Variants in TACR3 observed in about 807,000 individuals in gnomAD.
TACR3 encodes the protein tachykinin receptor 3, also known as neuromedin-K receptor.
TACR3 carries 34 observed loss-of-function variants against 35.0 expected under a neutral mutation model. That is an observed-to-expected ratio of 0.97 (90% CI 0.74 to 1.30). The LOEUF is 1.30. Ranked by LOEUF, TACR3 falls within the 50% of genes most tolerant of loss-of-function variation. The probability of loss-of-function intolerance (pLI) is 0.00; values close to 1 mark genes in which losing one functional copy is unlikely to be tolerated. For missense variants in TACR3, 558 were observed against 591.7 expected, an observed-to-expected ratio of 0.94 and a Z score of 0.59; for synonymous variants, 233 against 221.1, an observed-to-expected ratio of 1.05 and a Z score of -0.48.
chr4:103,594,879 G>A (rs1298703182), intron 3 of TACR3, among the ~76,000 whole-genome samples: 3 of 151,248 alleles, frequency 2.0e-5, no homozygotes, highest in South Asian at 4.2e-4. Context: ...AAGTGAAACA[G>A]CTGCTATAAT....
At chr4:103,648,568 C>A (rs1336195343) in intron 3 of TACR3, among the ~76,000 whole-genome samples, 1 of 152,066 alleles carries the variant, frequency 6.6e-6, no homozygotes, top group African/African-American at 2.4e-5. Context: ...GCTTATTTCA[C>A]TTAACATAAT....
At chr4:103,646,939 T>C (rs756010263) in intron 3 of TACR3, among the ~76,000 whole-genome samples, 4 of 151,854 alleles carry the variant, frequency 2.6e-5, no homozygotes, top group African/African-American at 4.8e-5. Context: ...ACTAAGAAAA[T>C]AAAATAGCAT....
chr4:103,616,934 C>A (rs1724672979), intron 3 of TACR3, among the ~76,000 whole-genome samples: 3 of 152,198 alleles, frequency 2.0e-5, no homozygotes, highest in South Asian at 4.1e-4. Context: ...GTAAACAGAG[C>A]AAGACCTTAT....
chr4:103,598,356 C>A (rs192976130), intron 3 of TACR3, among the ~76,000 whole-genome samples: 1 of 152,202 alleles, frequency 6.6e-6, no homozygotes, highest in East Asian at 1.9e-4. Flanking sequence ...GATATTAGCC[C>A]TTTGTCAGAT....
chr4:103,695,209 G>A (rs549390991), intron 1 of TACR3, among the ~76,000 whole-genome samples: 21 of 152,164 alleles, frequency 1.4e-4, no homozygotes, highest in South Asian at 6.2e-4. Context: ...TTTCTAGTAC[G>A]TTTGACTTTG....
At chr4:103,651,245 AC>A (rs1725613186) in intron 3 of TACR3, among the ~76,000 whole-genome samples, 3 of 150,790 alleles carry the variant, frequency 2.0e-5, no homozygotes. Flanking sequence ...AGAGTCAAAA[AC>A]CTTAGAAGTC....
At chr4:103,607,849 T>C (rs1724417621) in intron 3 of TACR3, among the ~76,000 whole-genome samples, 2 of 152,134 alleles carry the variant, frequency 1.3e-5, no homozygotes, top group African/African-American at 4.8e-5. Flanking sequence ...AGAAAACTGC[T>C]ATAACGTGGT....
At chr4:103,609,634 A>G (rs1724470026) in intron 3 of TACR3, among the ~76,000 whole-genome samples, 1 of 152,048 alleles carries the variant, frequency 6.6e-6, no homozygotes, top group South Asian at 2.1e-4. Context: ...TCTTTTAGCT[A>G]TTTTGAAGTG....
chr4:103,634,876 T>G (rs945443655), intron 3 of TACR3, among the ~76,000 whole-genome samples: 2 of 152,084 alleles, frequency 1.3e-5, no homozygotes, highest in African/African-American at 4.8e-5. Context: ...TCAACTTCCT[T>G]ATTTGCTTAT....
At chr4:103,646,716 C>A (rs1255073887) in intron 3 of TACR3, among the ~76,000 whole-genome samples, 2 of 151,758 alleles carry the variant, frequency 1.3e-5, no homozygotes, top group Non-Finnish European at 2.9e-5. Context: ...TTCTTCCAAC[C>A]TGAGATGGAA....
intron 1 of TACR3, among the ~76,000 whole-genome samples, chr4:103,697,196 G>C (rs1401106913): frequency 1.3e-5 from 2 of 152,160 alleles, no homozygotes; most frequent in African/African-American, 2.4e-5. Context: ...TAACCAATCA[G>C]TGACAGATTT....
chr4:103,656,439 C>A, intron 2 of TACR3, 95 bp from the exon 3 acceptor site: 1 of 1,193,282 alleles, frequency 8.4e-7, no homozygotes, highest in Non-Finnish European at 1.2e-6. Context: ...TTAAAACTAC[C>A]AAGAGTTATT....
chr4:103,691,302 G>C (rs1722397566), intron 1 of TACR3, among the ~76,000 whole-genome samples: 1 of 152,114 alleles, frequency 6.6e-6, no homozygotes, highest in African/African-American at 2.4e-5. Flanking sequence ...GATTAACTTG[G>C]GTAATCTCAG....
chr4:103,621,652 A>ATAGAT (rs1400211754), intron 3 of TACR3, among the ~76,000 whole-genome samples: 5 of 151,776 alleles, frequency 3.3e-5, no homozygotes, highest in African/African-American at 1.2e-4. Flanking sequence ...GGGAAAAGTT[A>ATAGAT]TAGATTATTT....
chr4:103,718,373 C>T (rs1723136812), intron 1 of TACR3, among the ~76,000 whole-genome samples: 1 of 152,166 alleles, frequency 6.6e-6, no homozygotes, highest in South Asian at 2.1e-4. Flanking sequence ...TAGGGATTCA[C>T]CATTGTATTT....
At chr4:103,693,720 T>G (rs1722453499) in intron 1 of TACR3, among the ~76,000 whole-genome samples, 2 of 152,138 alleles carry the variant, frequency 1.3e-5, no homozygotes. Context: ...CATCTAATTA[T>G]GCTTAATATA....
rs188471404 is a variant in TACR3 at position 103,710,141 on chromosome 4, T to C, written c.548+8987A>G. Among the ~76,000 whole-genome samples, 161 of 152,250 alleles carry C rather than the reference T, an allele frequency of 1.1e-3. 1 individual carries two copies. The highest frequency in any genetic ancestry group is 2.9e-3 in the Admixed American group (45 of 15,296). On this transcript the variant is annotated intron_variant, in intron 1 of 4. Coordinates refer to ENST00000304883, the MANE Select transcript of TACR3 (RefSeq NM_001059.3). ...AGGGTATCCAGGAATTGAACTCAGC[T>C]CTGCACCAAGTGGACCTAATAGACA...
At chr4:103,676,204 A>G (rs1028357241) in intron 1 of TACR3, among the ~76,000 whole-genome samples, 1 of 152,234 alleles carries the variant, frequency 6.6e-6, no homozygotes, top group African/African-American at 2.4e-5. Flanking sequence ...ATTGTTAAGC[A>G]GTGAATGCAA....
chr4:103,594,144 C>G (rs1723953003), intron 3 of TACR3, among the ~76,000 whole-genome samples: 1 of 150,986 alleles, frequency 6.6e-6, no homozygotes, highest in African/African-American at 2.4e-5. Flanking sequence ...GCTTTCAAGG[C>G]AAACAAATTT....
Sources: allele counts gnomAD v4.1 joint callset (sites outside exome capture counted in the v4.1 genomes callset), GRCh38; gene constraint gnomAD v4.1.1; transcripts MANE v1.5; gene names NCBI Gene and HGNC (gene_info 2026-07-23, HGNC 2026-07-21).